Variants in RASA2 observed in about 807,000 individuals in gnomAD.
RASA2 encodes ras GTPase-activating protein 2.
Under a neutral mutation model 118.2 loss-of-function variants are expected in RASA2, and 155 were observed. The ratio of observed to expected loss-of-function variants is 1.31; its 90% CI spans 1.15 to 1.50. The LOEUF (loss-of-function observed/expected upper bound fraction) is 1.50. RASA2 is among the 40% of genes most tolerant of loss of function. RASA2 has a pLI of 0.00. For missense variants in RASA2, 1,016 were observed against 1,009.6 expected (o/e 1.01, Z -0.09); for synonymous variants, 353 against 349.1 (o/e 1.01, Z -0.12).
intron 19 of RASA2, among the ~76,000 whole-genome samples, chr3:141,603,832 G>A (rs893960170): frequency 6.6e-6 from 1 of 152,074 alleles, no homozygotes; most frequent in African/African-American, 2.4e-5. Context: ...CATGTACATG[G>A]AATCATATGT....
intron 17 of RASA2, among the ~76,000 whole-genome samples, chr3:141,583,084 C>T (rs562250785): frequency 6.6e-6 from 1 of 152,240 alleles, no homozygotes; most frequent in East Asian, 1.9e-4. Context: ...GGTTTTCTTT[C>T]ACTTATATCT....
chr3:141,488,551 A>T (rs1486614345), intron 1 of RASA2, among the ~76,000 whole-genome samples: 6 of 152,154 alleles, frequency 3.9e-5, no homozygotes, highest in African/African-American at 7.2e-5. Flanking sequence ...TTATTCCCTG[A>T]GGTAGTCCTG....
intron 19 of RASA2, among the ~76,000 whole-genome samples, chr3:141,605,112 T>C (rs971174531): frequency 6.6e-6 from 1 of 152,098 alleles, no homozygotes; most frequent in African/African-American, 2.4e-5. Flanking sequence ...GGACTCTCTG[T>C]AGCCTTCAAG....
intron 4 of RASA2, among the ~76,000 whole-genome samples, chr3:141,530,548 T>C (rs1255147951): frequency 1.3e-5 from 2 of 152,062 alleles, no homozygotes; most frequent in African/African-American, 4.8e-5. Flanking sequence ...AGCAGGATTC[T>C]TCCTCTCCAA....
At chr3:141,511,161 AAG>A (rs943599897) in intron 1 of RASA2, among the ~76,000 whole-genome samples, 1 of 152,156 alleles carries the variant, frequency 6.6e-6, no homozygotes, top group Non-Finnish European at 1.5e-5. Context: ...TGGTGAGAGT[AAG>A]AGAGAAAAAT....
chr3:141,516,476 A>G (rs757754707), intron 3 of RASA2, 45 bp downstream of exon 3: 4 of 1,290,990 alleles, frequency 3.1e-6, no homozygotes, highest in Non-Finnish European at 4.0e-6. Context: ...GTTAATGTTT[A>G]TATTCATTCG....
chr3:141,611,173 T>C (rs1449132775), intron 23 of RASA2, among the ~76,000 whole-genome samples: 5 of 152,158 alleles, frequency 3.3e-5, no homozygotes, highest in Non-Finnish European at 5.9e-5. Context: ...GTAGTTAACT[T>C]CTACAGTTGG....
chr3:141,564,492 A>C (rs2082786664), intron 9 of RASA2, among the ~76,000 whole-genome samples: 1 of 152,290 alleles, frequency 6.6e-6, no homozygotes, highest in South Asian at 2.1e-4. Flanking sequence ...AAAGGATTCC[A>C]AAGAGGTAGG....
rs2082966647 is a variant in RASA2, at chr3:141,573,970, G to A, written c.1386G>A (p.Lys462=). The change falls in exon 14 of 24, where the codon AAG becomes AAA. Residue 462 remains lysine (K), a synonymous_variant. Transcript: ENST00000286364. ...NKENLRYYVD[K]LFNTIVKSSM... Reference sequence around the variant, plus strand: ...AGAATCTGCGCTACTATGTAGACAAGTTATTCAATACAATTGTAAAATCAA... The same window carrying A: ...AGAATCTGCGCTACTATGTAGACAAATTATTCAATACAATTGTAAAATCAA... 8 of 1,587,016 alleles carry A rather than the reference G, an allele frequency of 5.0e-6. No individual in the cohort carries two copies. Among genetic ancestry groups the A allele is most frequent in the Non-Finnish European group, 5.2e-6 (6 of 1,163,064 alleles).
chr3:141,596,974 T>A (rs1438416499), intron 19 of RASA2, among the ~76,000 whole-genome samples: 2 of 152,198 alleles, frequency 1.3e-5, no homozygotes, highest in African/African-American at 4.8e-5. Flanking sequence ...TGAAAACATA[T>A]GCCCACACAA....
intron 18 of RASA2, 72 bp downstream of exon 18, chr3:141,586,170 C>A: frequency 7.3e-7 from 1 of 1,373,080 alleles, no homozygotes. Flanking sequence ...GAGCGTGGGT[C>A]TAAGAGTGAG....
chr3:141,577,448 G>A (rs567215007), intron 15 of RASA2, among the ~76,000 whole-genome samples: 38 of 151,982 alleles, frequency 2.5e-4, no homozygotes, highest in African/African-American at 8.7e-4. Flanking sequence ...ATTTTGATAG[G>A]TTTTTTATTT....
intron 8 of RASA2, among the ~76,000 whole-genome samples, chr3:141,559,638 C>T (rs1007571354): frequency 1.3e-5 from 2 of 152,024 alleles, no homozygotes; most frequent in African/African-American, 4.8e-5. Flanking sequence ...AATAAAGCCT[C>T]GACTTTCAAA....
intron 8 of RASA2, 151 bp from the exon 9 acceptor site, chr3:141,559,743 G>T: frequency 1.7e-6 from 1 of 582,540 alleles, no homozygotes; most frequent in East Asian, 2.9e-5. Flanking sequence ...TCTCTAGTCT[G>T]GATAGTGAGG....
intron 5 of RASA2, 95 bp from the exon 6 acceptor site, chr3:141,553,762 T>A: frequency 6.6e-7 from 1 of 1,513,746 alleles, no homozygotes; most frequent in African/African-American, 1.4e-5. Context: ...AAAACAATTC[T>A]TAACCTTTTG....
intron 5 of RASA2, among the ~76,000 whole-genome samples, chr3:141,544,988 A>G (rs903446630): frequency 6.6e-6 from 1 of 152,186 alleles, no homozygotes; most frequent in Non-Finnish European, 1.5e-5. Context: ...AGGGCCTACC[A>G]GAGGGTGGAG....
At chr3:141,612,194 A>G in intron 23 of RASA2, 89 bp from the exon 24 acceptor site, 1 of 1,030,164 alleles carries the variant, frequency 9.7e-7, no homozygotes, top group Non-Finnish European at 1.4e-6. Flanking sequence ...TCCAGGGAAA[A>G]TTCTAAATAC....
chr3:141,504,611 C>A (rs550417950), intron 1 of RASA2, among the ~76,000 whole-genome samples: 4 of 152,144 alleles, frequency 2.6e-5, no homozygotes, highest in African/African-American at 7.2e-5. Context: ...TGCAAGTTTT[C>A]GCTCATTGAG....
chr3:141,525,947 C>T (rs780620319), intron 3 of RASA2: 5 of 152,070 alleles, frequency 3.3e-5, no homozygotes, highest in Non-Finnish European at 7.4e-5. Context: ...GGAGGCACAT[C>T]AGATGTAGAG....
Sources: allele counts gnomAD v4.1 joint callset (sites outside exome capture counted in the v4.1 genomes callset), GRCh38; gene constraint gnomAD v4.1.1; transcripts MANE v1.5; gene names NCBI Gene and HGNC (gene_info 2026-07-23, HGNC 2026-07-21).